ADD3: variants seen among roughly 807,000 people sequenced by gnomAD.
ADD3 encodes the protein gamma-adducin.
ADD3 carries 25 observed loss-of-function variants against 80.2 expected under a neutral mutation model. The ratio of observed to expected loss-of-function variants is 0.31; its 90% CI spans 0.23 to 0.44. The LOEUF is 0.44. Among genes scored for constraint, ADD3 ranks in the 20% least tolerant of loss-of-function variants. ADD3 has a pLI of 1.00. For synonymous variants in ADD3, 284 were observed against 289.6 expected (o/e 0.98, Z 0.20); for missense variants, 829 against 847.5 (o/e 0.98, Z 0.27).
chr10:110,091,898 A>G (rs975978439), intron 1 of ADD3, among the ~76,000 whole-genome samples: 1 of 152,216 alleles, frequency 6.6e-6, no homozygotes, highest in African/African-American at 2.4e-5. Context: ...CCCAACAGGT[A>G]AACAACCCCT....
intron 1 of ADD3, among the ~76,000 whole-genome samples, chr10:110,021,200 T>C (rs1434395279): frequency 6.6e-6 from 1 of 152,250 alleles, no homozygotes; most frequent in Non-Finnish European, 1.5e-5. Flanking sequence ...CACTTGGTCC[T>C]GAAGGAAACC....
chr10:110,049,178 T>C (rs1405929828), intron 1 of ADD3, among the ~76,000 whole-genome samples: 1 of 152,228 alleles, frequency 6.6e-6, no homozygotes, highest in African/African-American at 2.4e-5. Flanking sequence ...GAGTCAAGAA[T>C]TGAGGTTTGG....
At chr10:109,997,222 G>C (rs948645381) in intron 1 of ADD3, among the ~76,000 whole-genome samples, 4 of 152,104 alleles carry the variant, frequency 2.6e-5, no homozygotes, top group African/African-American at 9.7e-5. Flanking sequence ...CTAATCTTAA[G>C]TCTTTGTGTT....
At chr10:109,998,964 G>A (rs1324964825) in intron 1 of ADD3, among the ~76,000 whole-genome samples, 1 of 151,742 alleles carries the variant, frequency 6.6e-6, no homozygotes, top group Non-Finnish European at 1.5e-5. Flanking sequence ...TACAATAAAA[G>A]CTTCATGAGT....
At chr10:110,133,252 A>G in intron 14 of ADD3, 74 bp from the exon 15 acceptor site, 1 of 1,438,284 alleles carries the variant, frequency 7.0e-7, no homozygotes, top group Non-Finnish European at 9.3e-7. Flanking sequence ...TTGCTAAAAC[A>G]TTTCAGTTTT....
intron 1 of ADD3, among the ~76,000 whole-genome samples, chr10:110,083,335 T>C (rs1846301732): frequency 6.6e-6 from 1 of 152,144 alleles, no homozygotes; most frequent in East Asian, 1.9e-4. Flanking sequence ...GCTAACACGG[T>C]GAAACCCCGT....
intron 1 of ADD3, among the ~76,000 whole-genome samples, chr10:110,044,171 C>A (rs1332786296): frequency 6.6e-6 from 1 of 152,148 alleles, no homozygotes; most frequent in Admixed American, 6.5e-5. Flanking sequence ...CCCTGAACTC[C>A]GTCCTGGGTG....
chr10:110,022,744 T>G (rs1853826661), intron 1 of ADD3, among the ~76,000 whole-genome samples: 1 of 152,048 alleles, frequency 6.6e-6, no homozygotes. Context: ...GAAGTACAGG[T>G]GGGCACAGAG....
At chr10:110,067,337 T>A (rs1844082326) in intron 1 of ADD3, among the ~76,000 whole-genome samples, 1 of 152,198 alleles carries the variant, frequency 6.6e-6, no homozygotes, top group Admixed American at 6.5e-5. Context: ...ACAATAAATG[T>A]ATATTATGTT....
intron 1 of ADD3, 150 bp from the exon 2 acceptor site, chr10:110,100,475 T>TA: frequency 2.2e-6 from 1 of 449,574 alleles, no homozygotes; most frequent in Non-Finnish European, 4.0e-6. Context: ...TTTATATGAA[T>TA]AAAAAATTGT....
intron 1 of ADD3, among the ~76,000 whole-genome samples, chr10:110,063,344 G>T (rs1453422882): frequency 6.6e-6 from 1 of 152,048 alleles, no homozygotes; most frequent in African/African-American, 2.4e-5. Flanking sequence ...GTTAAGTAGT[G>T]TACTGATTTC....
intron 10 of ADD3, 57 bp from the exon 11 acceptor site, chr10:110,125,769 A>T: frequency 1.1e-5 from 15 of 1,366,018 alleles, no homozygotes; most frequent in Non-Finnish European, 1.5e-5. Context: ...TTATCTAACA[A>T]TCTACTAATA....
chr10:110,068,338 A>G (rs920440681), intron 1 of ADD3, among the ~76,000 whole-genome samples: 2 of 152,150 alleles, frequency 1.3e-5, no homozygotes, highest in Non-Finnish European at 2.9e-5. Flanking sequence ...TTGGCCCTCC[A>G]CTTCTGAGGG....
intron 1 of ADD3, among the ~76,000 whole-genome samples, chr10:110,077,928 C>G (rs967365998): frequency 6.6e-6 from 1 of 152,122 alleles, no homozygotes; most frequent in Admixed American, 6.5e-5. Context: ...TATCTATACT[C>G]TCTGGTGTGT....
At chr10:110,079,999 C>A (rs1044235899) in intron 1 of ADD3, among the ~76,000 whole-genome samples, 1 of 152,202 alleles carries the variant, frequency 6.6e-6, no homozygotes, top group Non-Finnish European at 1.5e-5. Flanking sequence ...CTCCTACCTC[C>A]GTTTTGGGAT....
At chr10:110,036,375 CTTTTTTTT>C (rs551028000) in intron 1 of ADD3, among the ~76,000 whole-genome samples, 1 of 116,796 alleles carries the variant, frequency 8.6e-6, no homozygotes, top group Non-Finnish European at 1.7e-5. Context: ...TAGAAAGTGT[CTTTTTTTT>C]TTTTTTTTTT....
At chr10:110,083,408 C>T (rs150312243) in intron 1 of ADD3, among the ~76,000 whole-genome samples, 56 of 152,026 alleles carry the variant, frequency 3.7e-4, no homozygotes, top group African/African-American at 1.2e-3. Context: ...CCCAGCTACT[C>T]GGGAGGCTGA....
intron 9 of ADD3, 54 bp downstream of exon 9, chr10:110,122,346 C>A: frequency 6.7e-7 from 1 of 1,500,474 alleles, no homozygotes; most frequent in South Asian, 1.2e-5. Context: ...GATTCAAGAG[C>A]AGATGCTTCC....
chr10:110,023,935 A>G lies in ADD3; in HGVS notation c.-30+15636A>G, dbSNP rs182600199. Reference sequence around the variant, plus strand: ...ACAGGAACAGAAAACCAAATACCACATGTTCTCACTTAAAGTGGGAGGTAA... The same window carrying G: ...ACAGGAACAGAAAACCAAATACCACGTGTTCTCACTTAAAGTGGGAGGTAA... On this transcript the variant is annotated intron_variant, in intron 1 of 14. Transcript: ENST00000356080. Among the ~76,000 whole-genome samples, 28 of 152,330 alleles carry G rather than the reference A, an allele frequency of 1.8e-4. No individual in the cohort carries two copies. The East Asian group carries it at 5.0e-3, about 27-fold the overall frequency.
Sources: allele counts gnomAD v4.1 joint callset (sites outside exome capture counted in the v4.1 genomes callset), GRCh38; gene constraint gnomAD v4.1.1; transcripts MANE v1.5; gene names NCBI Gene and HGNC (gene_info 2026-07-23, HGNC 2026-07-21).